The following LGALS3BP variants were observed in gnomAD, a reference collection of about 807,000 sequenced individuals.
The protein encoded by LGALS3BP is galectin 3 binding protein, also known as galectin-3-binding protein.
LGALS3BP carries 25 observed loss-of-function variants against 22.9 expected under a neutral mutation model. The ratio of observed to expected loss-of-function variants is 1.09; its 90% confidence interval spans 0.80 to 1.53. LGALS3BP has a LOEUF of 1.53. Among genes scored for constraint, LGALS3BP ranks in the 40% most tolerant of loss-of-function variants. The probability of loss-of-function intolerance (pLI) is 0.00; values close to 1 mark genes in which losing one functional copy is unlikely to be tolerated. For synonymous variants in LGALS3BP, 335 were observed against 331.1 expected, an observed-to-expected ratio of 1.01 and a Z score of -0.13; for missense variants, 718 against 752.0, an observed-to-expected ratio of 0.95 and a Z score of 0.53.
At chr17:78,974,623 G>A (rs922475247) in intron 4 of LGALS3BP, 65 bp downstream of exon 4, 70 of 1,555,590 alleles carry the variant, frequency 4.5e-5, no homozygotes, top group Admixed American at 3.7e-4. Flanking sequence ...GGTGCTGGGA[G>A]GGGCAGGGGC....
At position 78,972,306 on chromosome 17, in the gene LGALS3BP, A is replaced by C. The variant is rs771404500; in HGVS notation, c.1028T>G (p.Val343Gly). The change falls in exon 6 of 6, where the codon GTG (valine) becomes GGG (glycine). Residue 343 changes from valine to glycine, a missense_variant. By Grantham distance (109) the Val-to-Gly change is moderately radical. Coordinates refer to ENST00000262776, the MANE Select transcript of LGALS3BP (RefSeq NM_005567.4). The surrounding 1 kb of genome is among the most constrained non-coding windows in gnomAD (Gnocchi z 5.1). ...RASHEEVEGL[V>G]EKIRFPMMLP... ...CATCATGGGGAAGCGGATCTTCTCC[A>C]CCAAGCCCTCCACCTCCTCATGGGA... The C allele has an allele frequency of 6.2e-7, 1 of 1,613,294 alleles. No homozygotes were observed. Among genetic ancestry groups the C allele is most frequent in the Non-Finnish European group, 8.5e-7 (1 of 1,179,860 alleles).
At position 78,973,072 on chromosome 17, in the gene LGALS3BP, A is replaced by G. The variant is rs754375528; in HGVS notation, c.527T>C (p.Leu176Pro). 6.2e-7 allele frequency: 1 copy of G among 1,613,878 alleles called. No individual in the cohort carries two copies. The highest frequency in any genetic ancestry group is 8.5e-7 in the Non-Finnish European group (1 of 1,180,002). The change falls in exon 5 of 6, where the codon CTG becomes CCG. Residue 176 changes from leucine (L) to proline (P), a missense_variant. By Grantham distance (98) the Leu-to-Pro change is moderately conservative. Transcript: ENST00000262776. The surrounding 1 kb of genome is among the most constrained non-coding windows in gnomAD (Gnocchi z 5.8). ...ALGFCGHTVI[L>P]TANLEAQALW... is the part of the protein sequence containing the mutation. The stretch of plus-strand genomic sequence containing the variant: ...GGCCTGGGCCTCCAGGTTGGCAGTC[A>G]GGATGACCGTGTGGCCACAGAAGCC...
chr17:78,977,274 G>A (rs1358099404), intron 1 of LGALS3BP, 60 bp from the exon 2 acceptor site: 3 of 1,418,832 alleles, frequency 2.1e-6, no homozygotes, highest in East Asian at 4.6e-5. Flanking sequence ...AGGCCCCAGG[G>A]ACTGGCCTGC....
chr17:78,972,901 T>C lies in LGALS3BP; in HGVS notation c.629+69A>G. On this transcript the variant is annotated intron_variant, in intron 5 of 5. Coordinates refer to ENST00000262776, the MANE Select transcript of LGALS3BP (RefSeq NM_005567.4). This position sits in a 1 kb window ranked among gnomAD's most constrained non-coding sequence, Gnocchi z 5.1. The stretch of plus-strand genomic sequence containing the variant: ...ATGTGCAGGTGTGTGTGTGGGGGGC[T>C]GTGCTTTTGAAGAGGGGAGGAGGAC... 2 of 1,539,964 alleles carry C rather than the reference T, an allele frequency of 1.3e-6. No homozygotes were observed. The highest frequency in any genetic ancestry group is 3.8e-5 in the Admixed American group (2 of 52,718).
At chr17:78,975,045 C>T (rs544513676) in intron 3 of LGALS3BP, 9 of 560,978 alleles carry the variant, frequency 1.6e-5, no homozygotes, top group South Asian at 1.1e-4. Context: ...GCTGCTTCAG[C>T]GACATCACAT....
intron 3 of LGALS3BP, 84 bp downstream of exon 3, chr17:78,975,881 G>T: frequency 3.7e-6 from 3 of 809,496 alleles, no homozygotes; most frequent in Non-Finnish European, 5.3e-6. Flanking sequence ...AAACCTGACT[G>T]TTTCGTCTTA....
At chr17:78,975,245 C>A (rs753639034) in intron 3 of LGALS3BP, among the ~76,000 whole-genome samples, 10 of 152,150 alleles carry the variant, frequency 6.6e-5, no homozygotes, top group Non-Finnish European at 1.2e-4. Context: ...GTGTGACTAT[C>A]CCTGCTGCTA....
intron 3 of LGALS3BP, among the ~76,000 whole-genome samples, chr17:78,975,740 C>T (rs1384037249): frequency 8.3e-5 from 11 of 132,724 alleles, no homozygotes; most frequent in Non-Finnish European, 1.2e-4. Flanking sequence ...TGCAGTGAGC[C>T]GAGATTGTGC....
chr17:78,972,880 G>T lies in LGALS3BP; in HGVS notation c.629+90C>A. The T allele has an allele frequency of 6.7e-7, 1 of 1,498,080 alleles. No individual in the cohort carries two copies. Among genetic ancestry groups the T allele is most frequent in the Non-Finnish European group, 9.0e-7 (1 of 1,109,636 alleles). The allele number at this position is 1,498,080 out of a possible 1,614,324, so 92.8% of individuals were successfully genotyped here. ...TGTACATGTGCATGCATGAGTATGT[G>T]CAGGTGTGTGTGTGGGGGGCTGTGC... is the stretch of plus-strand genomic sequence containing the variant. On this transcript the variant is annotated intron_variant, in intron 5 of 5. Transcript: ENST00000262776. This position sits in a 1 kb window ranked among gnomAD's most constrained non-coding sequence, Gnocchi z 5.1.
Position 78,973,540 on chromosome 17 carries a change from C to T in LGALS3BP, c.377-318G>A, listed in dbSNP as rs8071853. On this transcript the variant is annotated intron_variant, in intron 4 of 5. Transcript: ENST00000262776. The surrounding 1 kb of genome is among the most constrained non-coding windows in gnomAD (Gnocchi z 5.8). The stretch of plus-strand genomic sequence containing the variant: ...CATGGAGACTTGGTGGTACTGACTC[C>T]GGAGCCCCCACTCCCCAGCCTTGGT... Among the ~76,000 whole-genome samples, 533 of 152,206 alleles carry T rather than the reference C, an allele frequency of 3.5e-3. 6 individuals are homozygous for T. Among genetic ancestry groups the T allele is most frequent in the African/African-American group, 0.012 (500 of 41,534 alleles).
intron 1 of LGALS3BP, 80 bp downstream of exon 1, chr17:78,979,744 C>G (rs1057301366): frequency 4.6e-5 from 7 of 152,008 alleles, no homozygotes; most frequent in African/African-American, 1.5e-4. Flanking sequence ...GAGTGAGACC[C>G]TGTCTCAAAA....
In LGALS3BP at chr17:78,976,003, T is replaced by C. The variant is rs968684090; in HGVS notation, c.206A>G (p.Asn69Ser). 1.2e-6 allele frequency: 2 copies of C among 1,612,200 alleles called. No homozygotes were observed. The highest frequency in any genetic ancestry group is 4.5e-5 in the East Asian group (2 of 44,834). The change falls in exon 3 of 6, where the codon AAC becomes AGC. Residue 69 changes from asparagine to serine, a missense_variant. Coordinates refer to ENST00000262776, the MANE Select transcript of LGALS3BP (RefSeq NM_005567.4). The surrounding 1 kb of genome is among the most constrained non-coding windows in gnomAD (Gnocchi z 4.6). ...AGCTCTGCCCAGAGCCTGGGTGGCGTTCTCGAAGCCCAGGGCCCGGCAGAC... is the reference window on the plus strand; with the variant it reads ...AGCTCTGCCCAGAGCCTGGGTGGCGCTCTCGAAGCCCAGGGCCCGGCAGAC... ...SVVCRALGFE[N>S]ATQALGRAAF...
At chr17:78,974,882 C>T (rs913247108) in intron 3 of LGALS3BP, 63 bp from the exon 4 acceptor site, 32 of 1,585,632 alleles carry the variant, frequency 2.0e-5, no homozygotes, top group Non-Finnish European at 2.4e-5. Context: ...TCCCACAGCG[C>T]GACTCAGCCC....
At chr17:78,974,947 G>A (rs1349989952) in intron 3 of LGALS3BP, 128 bp from the exon 4 acceptor site, 7 of 1,178,326 alleles carry the variant, frequency 5.9e-6, no homozygotes, top group Non-Finnish European at 7.0e-6. Flanking sequence ...CTTCACCAGC[G>A]AACCACGGAG....
intron 1 of LGALS3BP, among the ~76,000 whole-genome samples, chr17:78,979,129 C>T (rs998674664): frequency 2.0e-5 from 3 of 151,978 alleles, no homozygotes; most frequent in South Asian, 2.1e-4. Context: ...TGTGTGGCAG[C>T]GGCTATTTTT....
rs1229136550 is a variant in LGALS3BP, at chr17:78,972,429, T to C, written c.905A>G (p.Asp302Gly). Reference sequence around the variant, plus strand: ...CCTGGGCAGCAGCAGTTGGAGCAGGTCTGTGGGGACACTGGGCCAGGCCTC... The same window carrying C: ...CCTGGGCAGCAGCAGTTGGAGCAGGCCTGTGGGGACACTGGGCCAGGCCTC... ...QAEAWPSVPT[D>G]LLQLLLPRSD... is the part of the protein sequence containing the mutation. Residue 302 changes from aspartate to glycine, a missense_variant, in exon 6 of 6, where the codon GAC (aspartate) becomes GGC (glycine). Physicochemically the swap from Asp to Gly is moderately conservative, Grantham distance 94. Coordinates refer to ENST00000262776, the MANE Select transcript of LGALS3BP (RefSeq NM_005567.4). The surrounding 1 kb of genome is among the most constrained non-coding windows in gnomAD (Gnocchi z 5.1). 1 of 1,613,248 alleles carries C rather than the reference T, an allele frequency of 6.2e-7. No individual in the cohort carries two copies. Among genetic ancestry groups the C allele is most frequent in the African/African-American group, 1.3e-5 (1 of 74,914 alleles).
At chr17:78,975,672 A>G (rs1034463524) in intron 3 of LGALS3BP, among the ~76,000 whole-genome samples, 13 of 151,958 alleles carry the variant, frequency 8.6e-5, no homozygotes, top group Admixed American at 8.5e-4. Flanking sequence ...GGTACCTGTA[A>G]TCCCAGCTAC....
At position 78,972,412 on chromosome 17, in the gene LGALS3BP, G is replaced by A. The variant is rs1273424630; in HGVS notation, c.922C>T (p.Leu308=). ...SVPTDLLQLL[L]PRSDLAVPSE... ...GGCACCGCCAGGTCGCTCCTGGGCA[G>A]CAGCAGTTGGAGCAGGTCTGTGGGG... The change falls in exon 6 of 6, where the codon CTG becomes TTG. Residue 308 remains leucine, a synonymous_variant. Transcript: ENST00000262776. The surrounding 1 kb of genome is among the most constrained non-coding windows in gnomAD (Gnocchi z 5.1). The A allele has an allele frequency of 1.9e-6, 3 of 1,613,472 alleles. No individual in the cohort carries two copies. Among genetic ancestry groups the A allele is most frequent in the Non-Finnish European group, 1.7e-6 (2 of 1,180,012 alleles).
rs894922294 is a variant in LGALS3BP, at chr17:78,973,460, C to G, written c.377-238G>C. 12 of 516,930 alleles carry G rather than the reference C, an allele frequency of 2.3e-5. No homozygotes were observed. Among genetic ancestry groups the G allele is most frequent in the Non-Finnish European group, 3.4e-5 (10 of 291,490 alleles). The allele number at this position is 516,930 out of a possible 1,614,324, so 32.0% of individuals were successfully genotyped here. A position where few individuals can be genotyped will look rare whatever the true frequency, so the allele number is the denominator to read the frequency against. Reference sequence around the variant, plus strand: ...AGGACCTGGCCAAGCCTGTCCAGGCCCCCGCTTTAGGCCCTCTGCTCTGTG... The same window carrying G: ...AGGACCTGGCCAAGCCTGTCCAGGCGCCCGCTTTAGGCCCTCTGCTCTGTG... On this transcript the variant is annotated intron_variant, in intron 4 of 5. Coordinates refer to ENST00000262776, the MANE Select transcript of LGALS3BP (RefSeq NM_005567.4). This position sits in a 1 kb window ranked among gnomAD's most constrained non-coding sequence, Gnocchi z 5.8.
Sources: allele counts gnomAD v4.1 joint callset (sites outside exome capture counted in the v4.1 genomes callset), GRCh38; gene constraint gnomAD v4.1.1; non-coding constraint Gnocchi (gnomAD v3.1); transcripts MANE v1.5; gene names NCBI Gene and HGNC (gene_info 2026-07-23, HGNC 2026-07-21).